USP42: variants seen among roughly 807,000 people sequenced by gnomAD.
USP42 encodes the protein ubiquitin specific peptidase 42.
In USP42, 23 loss-of-function variants were observed where a neutral mutation model predicts 113.0. The observed-to-expected ratio is 0.20, with a 90% CI of 0.15 to 0.29. USP42 has a LOEUF of 0.29. USP42 is among the 10% of genes least tolerant of loss of function. The pLI is 1.00. For missense variants in USP42, 2,174 were observed against 1,779.8 expected, an observed-to-expected ratio of 1.22 and a Z score of -3.99; for synonymous variants, 933 against 699.0, an observed-to-expected ratio of 1.33 and a Z score of -5.28.
rs1255174382 is a variant in USP42, at chr7:6,150,152, A to G, written c.1956A>G (p.Gln652=). ...EDEEATPHEL[Q]EPMTLNGANS... The stretch of plus-strand genomic sequence containing the variant: ...AGGAGGCCACTCCGCACGAGCTTCA[A>G]GAACCCATGACCCTAAACGGTGCTA... The change falls in exon 13 of 18, where the codon CAA becomes CAG. Residue 652 remains glutamine, a synonymous_variant. Coordinates refer to ENST00000306177, the MANE Select transcript of USP42 (RefSeq NM_032172.3). The G allele has an allele frequency of 1.2e-6, 2 of 1,613,876 alleles. No homozygotes were observed. The highest frequency in any genetic ancestry group is 1.1e-5 in the South Asian group (1 of 91,058).
In USP42 at chr7:6,150,436, C is replaced by G; in HGVS notation, c.2131C>G (p.Leu711Val). The G allele has an allele frequency of 6.2e-7, 1 of 1,613,972 alleles. No individual in the cohort carries two copies. Among genetic ancestry groups the G allele is most frequent in the Non-Finnish European group, 8.5e-7 (1 of 1,179,886 alleles). The change falls in exon 14 of 18, where the codon CTC becomes GTC. Residue 711 changes from leucine to valine, a missense_variant. Transcript: ENST00000306177. Reference sequence around the variant, plus strand: ...GTTGATGCCTGCTCCTTTGCTGTCTCTCCCAGAAGACAAAATCTTAGAGAC... The same window carrying G: ...GTTGATGCCTGCTCCTTTGCTGTCTGTCCCAGAAGACAAAATCTTAGAGAC... ...GKLMPAPLLS[L>V]PEDKILETFR...
At chr7:6,083,223 CTT>C in the USP42 span, among the ~76,000 whole-genome samples, 2 of 130,854 alleles carry the variant, frequency 1.5e-5, no homozygotes, top group South Asian at 5.0e-4. Context: ...CCGCACCCAG[CTT>C]ATTTATTTAT....
chr7:6,087,873 C>G, the USP42 span, among the ~76,000 whole-genome samples: 1 of 151,282 alleles, frequency 6.6e-6, no homozygotes. Context: ...TACTTAACCT[C>G]TAATCTGTAA....
At chr7:6,135,782 C>A in intron 3 of USP42, 59 bp from the exon 4 acceptor site, 1 of 982,808 alleles carries the variant, frequency 1.0e-6, no homozygotes, top group Non-Finnish European at 1.5e-6. Flanking sequence ...TGTAATTAGC[C>A]TTGATGTGTG....
the USP42 span, among the ~76,000 whole-genome samples, chr7:6,087,450 C>G: frequency 6.7e-6 from 1 of 149,508 alleles, no homozygotes; most frequent in East Asian, 1.9e-4. Flanking sequence ...GATCCTCCCA[C>G]CTCAGCCTCC....
chr7:6,100,004 C>CTATTATTATTATTATTAT (rs1554332997), upstream of USP42, among the ~76,000 whole-genome samples: 2,209 of 144,282 alleles, frequency 0.015, 129 homozygotes, highest in African/African-American at 0.053. Context: ...TTTCACAAGT[C>CTATTATTATTATTATTAT]TATTATTATT....
At chr7:6,083,575 T>G in the USP42 span, among the ~76,000 whole-genome samples, 1 of 150,384 alleles carries the variant, frequency 6.6e-6, no homozygotes. Flanking sequence ...TATATATGTA[T>G]GTATACATAT....
intron 4 of USP42, among the ~76,000 whole-genome samples, chr7:6,137,633 C>G (rs1781218946): frequency 6.6e-6 from 1 of 152,110 alleles, no homozygotes; most frequent in African/African-American, 2.4e-5. Flanking sequence ...GCAGAGATTA[C>G]AGACGTGAGC....
chr7:6,109,230 G>GAAA (rs1779458179), intron 1 of USP42, among the ~76,000 whole-genome samples: 2 of 152,130 alleles, frequency 1.3e-5, no homozygotes, highest in Admixed American at 6.6e-5. Flanking sequence ...AGAGCCCAGA[G>GAAA]ACAGCAGGGA....
intron 14 of USP42, among the ~76,000 whole-genome samples, chr7:6,153,410 G>A (rs1782188526): frequency 6.6e-6 from 1 of 152,138 alleles, no homozygotes; most frequent in African/African-American, 2.4e-5. Context: ...AGCTGGGCTT[G>A]ATGATATAAC....
chr7:6,148,714 G>A (rs1229757688), intron 12 of USP42, among the ~76,000 whole-genome samples: 1 of 152,120 alleles, frequency 6.6e-6, no homozygotes, highest in East Asian at 1.9e-4. Flanking sequence ...ACAGCTTTTC[G>A]ACTTGAGTTT....
chr7:6,126,209 G>A (rs190253207), intron 3 of USP42, among the ~76,000 whole-genome samples: 39 of 152,086 alleles, frequency 2.6e-4, no homozygotes, highest in Admixed American at 6.6e-4. Context: ...ATTCTCTCAA[G>A]ATTGATCCAG....
chr7:6,091,714 C>CAT, the USP42 span, among the ~76,000 whole-genome samples: 7 of 148,692 alleles, frequency 4.7e-5, no homozygotes, highest in Non-Finnish European at 8.9e-5. Context: ...CACACACACA[C>CAT]ATATATATGT....
intron 8 of USP42, among the ~76,000 whole-genome samples, chr7:6,143,374 C>T (rs1029714887): frequency 3.9e-5 from 6 of 152,018 alleles, no homozygotes; most frequent in East Asian, 1.9e-4. Context: ...AGAGGGCTGC[C>T]GTCGGGTGGG....
In USP42 at chr7:6,153,825, C is replaced by G. The variant is rs758291035; in HGVS notation, c.2271C>G (p.Ala757=). 3.3e-6 allele frequency: 5 copies of G among 1,535,648 alleles called. No individual in the cohort carries two copies. Among genetic ancestry groups the G allele is most frequent in the African/African-American group, 1.4e-5 (1 of 71,896 alleles). Residue 757 remains alanine, a synonymous_variant, in exon 15 of 18, where the codon GCC becomes GCG. Transcript: ENST00000306177. ...DAEPQPGSPA[A]ESLEEPDAAA... is the part of the protein sequence containing the mutation. ...AGCCTCAGCCTGGCAGCCCCGCCGC[C>G]GAATCCCTGGAGGAGCCAGATGCGG...
intron 7 of USP42, 87 bp from the exon 8 acceptor site, chr7:6,142,845 C>T: frequency 4.6e-6 from 6 of 1,293,376 alleles, no homozygotes; most frequent in Non-Finnish European, 6.7e-6. Context: ...GATTGTGCCA[C>T]TGCACTCCAG....
chr7:6,130,813 G>A (rs906900556), intron 3 of USP42, among the ~76,000 whole-genome samples: 5 of 152,162 alleles, frequency 3.3e-5, no homozygotes, highest in Admixed American at 3.3e-4. Flanking sequence ...ATGCTCACAG[G>A]GCACACCATG....
chr7:6,125,736 T>C (rs964913086), intron 3 of USP42, among the ~76,000 whole-genome samples: 1 of 152,194 alleles, frequency 6.6e-6, no homozygotes, highest in East Asian at 1.9e-4. Context: ...GATTTCCATT[T>C]GGTATTTTTC....
intron 3 of USP42, among the ~76,000 whole-genome samples, chr7:6,124,417 C>A (rs1162846394): frequency 1.3e-5 from 2 of 151,736 alleles, no homozygotes; most frequent in Non-Finnish European, 2.9e-5. Context: ...ACGGGTGCAC[C>A]ACCACACCCG....
Sources: gnomAD v4.1 joint callset for allele counts (sites outside exome capture counted in the v4.1 genomes callset) on GRCh38, gnomAD v4.1.1 for gene constraint, MANE v1.5 for transcripts, NCBI Gene and HGNC (gene_info 2026-07-23, HGNC 2026-07-21) for gene names.